Variants in LHCGR observed in about 807,000 individuals in gnomAD.
The protein encoded by LHCGR is lutropin-choriogonadotropic hormone receptor.
In LHCGR, 55 loss-of-function variants were observed where a neutral mutation model predicts 60.7. The observed-to-expected ratio is 0.91, with a 90% CI of 0.73 to 1.13. The LOEUF is 1.13. Ranked by LOEUF, LHCGR falls within the 50% of genes most tolerant of loss-of-function variation. LHCGR has a pLI of 0.00. For synonymous variants in LHCGR, 337 were observed against 316.5 expected, an observed-to-expected ratio of 1.06 and a Z score of -0.69; for missense variants, 862 against 836.0, an observed-to-expected ratio of 1.03 and a Z score of -0.38.
chr2:48,690,036 A>G (rs1445319171), intron 10 of LHCGR, among the ~76,000 whole-genome samples: 1 of 151,986 alleles, frequency 6.6e-6, no homozygotes, highest in African/African-American at 2.4e-5. Context: ...TCTCTTATGG[A>G]GCAATTAGTT....
intron 3 of LHCGR, among the ~76,000 whole-genome samples, chr2:48,728,786 A>T (rs892315258): frequency 6.6e-6 from 1 of 152,164 alleles, no homozygotes; most frequent in Admixed American, 6.5e-5. Flanking sequence ...GAATGTGCCA[A>T]AACAGCCCCC....
chr2:48,752,658 T>C (rs1670009974), intron 1 of LHCGR, among the ~76,000 whole-genome samples: 1 of 152,184 alleles, frequency 6.6e-6, no homozygotes, highest in Admixed American at 6.5e-5. Context: ...CCACTTTTCC[T>C]GTCCTTTGTC....
At chr2:48,713,129 G>A (rs941175769) in intron 7 of LHCGR, among the ~76,000 whole-genome samples, 2 of 152,126 alleles carry the variant, frequency 1.3e-5, no homozygotes, top group African/African-American at 4.8e-5. Flanking sequence ...GTAGGGCCCA[G>A]GAATCTGTGT....
In LHCGR at chr2:48,723,706, GGGACA is replaced by G; in HGVS notation, c.384-15_384-11del. On this transcript the variant is annotated splice_polypyrimidine_tract_variant and intron_variant, in intron 4 of 10. Coordinates refer to ENST00000294954, the MANE Select transcript of LHCGR (RefSeq NM_000233.4). ...TGTGTTACAGATGCTCCTGTGATTAGGGACAGGATAGTGGTGTGGGCAGAGAGTGG... is the reference window on the plus strand; with the variant it reads ...TGTGTTACAGATGCTCCTGTGATTAGGGATAGTGGTGTGGGCAGAGAGTGG... The G allele has an allele frequency of 6.3e-7, 1 of 1,599,592 alleles. No individual in the cohort carries two copies. Among genetic ancestry groups the G allele is most frequent in the Non-Finnish European group, 8.6e-7 (1 of 1,166,826 alleles).
rs758729322 is a variant in LHCGR, at chr2:48,688,751, G to T, written c.1046C>A (p.Ala349Asp). ...CATAATATCTTCACAGGGATTAAAA[G>T]CATCTGGTTCAGGAGCACATCGGGG... ...KTPRCAPEPD[A>D]FNPCEDIMGY... Residue 349 changes from alanine to aspartate, a missense_variant, in exon 11 of 11, where the codon GCT becomes GAT. Coordinates refer to ENST00000294954, the MANE Select transcript of LHCGR (RefSeq NM_000233.4). This position sits in a 1 kb window ranked among gnomAD's most constrained non-coding sequence, Gnocchi z 5.2. 1.2e-6 allele frequency: 2 copies of T among 1,613,978 alleles called. No homozygotes were observed. Among genetic ancestry groups the T allele is most frequent in the Non-Finnish European group, 1.7e-6 (2 of 1,179,980 alleles).
chr2:48,754,778 G>C (rs1010542594), intron 1 of LHCGR, among the ~76,000 whole-genome samples: 1 of 152,068 alleles, frequency 6.6e-6, no homozygotes, highest in Non-Finnish European at 1.5e-5. Context: ...ATGACACCCT[G>C]ATAGTCTAGT....
intron 9 of LHCGR, among the ~76,000 whole-genome samples, chr2:48,697,946 T>A (rs1667203761): frequency 6.6e-6 from 1 of 152,232 alleles, no homozygotes; most frequent in African/African-American, 2.4e-5. Context: ...TGGGTTGCAA[T>A]ACCAAAGTAT....
At chr2:48,707,557 C>A (rs1667753661) in intron 8 of LHCGR, among the ~76,000 whole-genome samples, 1 of 152,274 alleles carries the variant, frequency 6.6e-6, no homozygotes, top group African/African-American at 2.4e-5. Context: ...AATTCCCTGA[C>A]TGTGGCTGCT....
At chr2:48,707,140 C>G (rs540067998) in intron 8 of LHCGR, among the ~76,000 whole-genome samples, 2 of 152,234 alleles carry the variant, frequency 1.3e-5, no homozygotes, top group African/African-American at 4.8e-5. Flanking sequence ...TTCCTTCTAA[C>G]AGTCAGGCCC....
At chr2:48,739,858 C>T (rs979129419) in intron 1 of LHCGR, among the ~76,000 whole-genome samples, 2 of 152,162 alleles carry the variant, frequency 1.3e-5, no homozygotes, top group African/African-American at 4.8e-5. Flanking sequence ...CGAATAGGAA[C>T]AGCTCCAGTC....
At chr2:48,708,085 C>G (rs184187365) in intron 8 of LHCGR, among the ~76,000 whole-genome samples, 2 of 152,306 alleles carry the variant, frequency 1.3e-5, no homozygotes, top group East Asian at 3.9e-4. Context: ...GTTGGAAATG[C>G]AGAAATCACC....
In LHCGR at chr2:48,714,397, C is replaced by T. The variant is rs183931454; in HGVS notation, c.537-343G>A. Among the ~76,000 whole-genome samples the T allele has an allele frequency of 1.7e-4, 26 of 152,156 alleles. No individual in the cohort carries two copies. The East Asian group carries it at 5.0e-3, about 29-fold the overall frequency. On this transcript the variant is annotated intron_variant, in intron 6 of 10. Coordinates refer to ENST00000294954, the MANE Select transcript of LHCGR (RefSeq NM_000233.4). ...AGAGATGTTTAACACTTAAGCCTTT[C>T]CTCTGGTTTTGCAGGCCGGTGTGGG...
intron 3 of LHCGR, among the ~76,000 whole-genome samples, chr2:48,728,927 G>A (rs1267317709): frequency 6.6e-6 from 1 of 152,182 alleles, no homozygotes; most frequent in African/African-American, 2.4e-5. Context: ...TCTTTGTGTT[G>A]TGATGTTTCA....
chr2:48,695,841 A>G (rs1326764971), intron 9 of LHCGR, among the ~76,000 whole-genome samples: 1 of 152,200 alleles, frequency 6.6e-6, no homozygotes, highest in Non-Finnish European at 1.5e-5. Context: ...CACTGGGAAC[A>G]TATGAACATA....
At chr2:48,751,238 T>C (rs924947588) in intron 1 of LHCGR, among the ~76,000 whole-genome samples, 1 of 143,576 alleles carries the variant, frequency 7.0e-6, no homozygotes, top group Non-Finnish European at 1.5e-5. Flanking sequence ...TATTAGTCAA[T>C]AACTACATAT....
chr2:48,747,229 C>T (rs1201458695), intron 1 of LHCGR, among the ~76,000 whole-genome samples: 1 of 152,122 alleles, frequency 6.6e-6, no homozygotes, highest in Non-Finnish European at 1.5e-5. Flanking sequence ...GCTGGGACTA[C>T]AGGCAAGCAC....
chr2:48,754,082 C>G (rs914247418), intron 1 of LHCGR, among the ~76,000 whole-genome samples: 1 of 152,104 alleles, frequency 6.6e-6, no homozygotes, highest in South Asian at 2.1e-4. Context: ...CTTGGAAGGC[C>G]TGTTGCATGG....
intron 1 of LHCGR, among the ~76,000 whole-genome samples, chr2:48,746,574 G>C (rs911169613): frequency 6.6e-6 from 1 of 152,158 alleles, no homozygotes; most frequent in Admixed American, 6.6e-5. Flanking sequence ...CAGCCATTCC[G>C]CAGCACCCAA....
intron 4 of LHCGR, among the ~76,000 whole-genome samples, chr2:48,724,584 T>C (rs1364423822): frequency 2.6e-5 from 4 of 152,228 alleles, no homozygotes; most frequent in African/African-American, 9.6e-5. Flanking sequence ...CTGCAACGTG[T>C]ACTTGGGTTG....
Sources: gnomAD v4.1 joint callset for allele counts (sites outside exome capture counted in the v4.1 genomes callset) on GRCh38, gnomAD v4.1.1 for gene constraint, Gnocchi (gnomAD v3.1) non-coding constraint, MANE v1.5 for transcripts, NCBI Gene and HGNC (gene_info 2026-07-23, HGNC 2026-07-21) for gene names.